LMBR1: variants seen among roughly 807,000 people sequenced by gnomAD.
LMBR1 encodes the protein limb region 1 protein homolog.
In LMBR1, 52 loss-of-function variants were observed where a neutral mutation model predicts 73.9. The observed-to-expected ratio is 0.70, with a 90% CI of 0.56 to 0.89. The LOEUF is 0.89. LMBR1 is among the 40% of genes least tolerant of loss of function. The probability of loss-of-function intolerance (pLI) is 0.00; values close to 1 mark genes in which losing one functional copy is unlikely to be tolerated. For missense variants in LMBR1, 539 were observed against 579.8 expected (o/e 0.93, Z 0.72); for synonymous variants, 215 against 209.4 (o/e 1.03, Z -0.23).
At chr7:156,877,572 G>A (rs1800367072) in intron 1 of LMBR1, among the ~76,000 whole-genome samples, 1 of 152,164 alleles carries the variant, frequency 6.6e-6, no homozygotes, top group African/African-American at 2.4e-5. Flanking sequence ...TCATACCACA[G>A]ATGCAGGGAT....
At chr7:156,790,128 TA>T (rs1196292095) in intron 5 of LMBR1, among the ~76,000 whole-genome samples, 10 of 152,100 alleles carry the variant, frequency 6.6e-5, no homozygotes, top group Non-Finnish European at 1.2e-4. Flanking sequence ...AAACAGATCC[TA>T]TTTCAAAAAA....
rs1801978865 is a variant in LMBR1 at position 156,669,472 on chromosome 7, C to T, written n.867-185G>A. 6.6e-6 allele frequency among the ~76,000 whole-genome samples: 1 copy of T among 152,160 alleles called. No homozygotes were observed. Among genetic ancestry groups the T allele is most frequent in the African/African-American group, 2.4e-5 (1 of 41,448 alleles). ...GAGGAACCGTGCCGTTCCCTGGAAC[C>T]TCTGTCCAGGCAGAGGGCAGCACGG... On this transcript the variant is annotated intron_variant and non_coding_transcript_variant, in intron 4 of 4. Coordinates refer to the LMBR1 transcript ENST00000430825. The surrounding 1 kb of genome is among the most constrained non-coding windows in gnomAD (Gnocchi z 4.2).
At chr7:156,799,738 G>A (rs1830623857) in intron 4 of LMBR1, among the ~76,000 whole-genome samples, 1 of 152,210 alleles carries the variant, frequency 6.6e-6, no homozygotes, top group Non-Finnish European at 1.5e-5. Context: ...AAATGAGATA[G>A]GCTGAAAGCT....
chr7:156,854,444 T>A (rs940831159), intron 1 of LMBR1, among the ~76,000 whole-genome samples: 1 of 152,028 alleles, frequency 6.6e-6, no homozygotes, highest in Non-Finnish European at 1.5e-5. Flanking sequence ...AATTAAAAAA[T>A]AATAATAAAA....
rs1802346383 is a variant in LMBR1, at chr7:156,670,932, C to CACT, written n.867-1646_867-1645insAGT. On this transcript the variant is annotated intron_variant and non_coding_transcript_variant, in intron 4 of 4. Transcript: ENST00000430825. This position sits in a 1 kb window ranked among gnomAD's most constrained non-coding sequence, Gnocchi z 4.3. ...TAAATCTAATAGACATTGATTCCAC[C>CACT]GAACAAGAAAACTCATGTCTCAGGT... 6.6e-6 allele frequency among the ~76,000 whole-genome samples: 1 copy of CACT among 151,814 alleles called. No individual in the cohort carries two copies. Among genetic ancestry groups the CACT allele is most frequent in the African/African-American group, 2.4e-5 (1 of 41,262 alleles).
At chr7:156,780,999 G>C (rs1827034436) in intron 5 of LMBR1, among the ~76,000 whole-genome samples, 17 of 152,214 alleles carry the variant, frequency 1.1e-4, no homozygotes. Context: ...TTAGTTTTCA[G>C]TTCCATAAAA....
At chr7:156,769,838 T>C (rs1243845936) in intron 5 of LMBR1, among the ~76,000 whole-genome samples, 1 of 152,206 alleles carries the variant, frequency 6.6e-6, no homozygotes, top group Non-Finnish European at 1.5e-5. Context: ...GGCTGCTCTG[T>C]GGCCCAGAGG....
At chr7:156,776,668 T>G (rs1826190389) in intron 5 of LMBR1, among the ~76,000 whole-genome samples, 1 of 152,170 alleles carries the variant, frequency 6.6e-6, no homozygotes, top group Admixed American at 6.6e-5. Flanking sequence ...TTCTCTTCCC[T>G]GGCCTCAACC....
At chr7:156,675,876 G>A, downstream of LMBR1, 1 of 1,608,700 alleles carries the variant, frequency 6.2e-7, no homozygotes. Context: ...AGGTTTGGCT[G>A]GCAGCCTGGC....
At chr7:156,762,840 AGTGTGAGT>A (rs1447249865) in intron 7 of LMBR1, among the ~76,000 whole-genome samples, 2 of 115,784 alleles carry the variant, frequency 1.7e-5, no homozygotes, top group African/African-American at 6.6e-5. Flanking sequence ...AAAGTGTGTG[AGTGTGAGT>A]GTGTGTGTGT....
At chr7:156,674,296 C>T (rs1437494620), downstream of LMBR1, among the ~76,000 whole-genome samples, 1 of 152,172 alleles carries the variant, frequency 6.6e-6, no homozygotes, top group Non-Finnish European at 1.5e-5. Context: ...AGACATGAGC[C>T]ACGTCCATCT....
intron 5 of LMBR1, 147 bp downstream of exon 5, chr7:156,796,241 GT>G (rs1830041425): frequency 1.7e-6 from 1 of 588,194 alleles, no homozygotes; most frequent in Non-Finnish European, 3.0e-6. Context: ...CAGAATTACT[GT>G]TATTGTTAAC....
chr7:156,818,429 C>G (rs535382539), intron 4 of LMBR1, among the ~76,000 whole-genome samples: 1 of 152,316 alleles, frequency 6.6e-6, no homozygotes, highest in Admixed American at 6.5e-5. Context: ...AGTGAGTGGA[C>G]AGCTTAGCCA....
At chr7:156,724,872 CTTA>C (rs1815385175) in intron 14 of LMBR1, among the ~76,000 whole-genome samples, 1 of 151,546 alleles carries the variant, frequency 6.6e-6, no homozygotes, top group Non-Finnish European at 1.5e-5. Flanking sequence ...GCTTTCAGCT[CTTA>C]TTAGTTATTC....
intron 5 of LMBR1, among the ~76,000 whole-genome samples, chr7:156,788,818 C>CA (rs1198095295): frequency 2.0e-5 from 3 of 152,144 alleles, no homozygotes; most frequent in Non-Finnish European, 4.4e-5. Context: ...GTGGCCAAGG[C>CA]AGGTGGATCA....
At position 156,683,952 on chromosome 7, in the gene LMBR1, G is replaced by A; in HGVS notation, c.*126C>T. 1 of 702,960 alleles carries A rather than the reference G, an allele frequency of 1.4e-6. No individual in the cohort carries two copies. Among genetic ancestry groups the A allele is most frequent in the African/African-American group, 1.8e-5 (1 of 56,020 alleles). 43.5% of individuals were successfully genotyped at this position (702,960 alleles called of 1,614,324 possible). On this transcript the variant is annotated 3_prime_UTR_variant, in exon 17 of 17. Transcript: ENST00000353442. ...TCTTCGTAGATTATGAAAAAAAAATGGCACTGATAGGTCTAGGTTCTGAAG... is the reference window on the plus strand; with the variant it reads ...TCTTCGTAGATTATGAAAAAAAAATAGCACTGATAGGTCTAGGTTCTGAAG...
At chr7:156,719,320 C>A (rs371223854) in intron 15 of LMBR1, among the ~76,000 whole-genome samples, 4 of 151,620 alleles carry the variant, frequency 2.6e-5, no homozygotes, top group Non-Finnish European at 4.4e-5. Context: ...CTCATCATTT[C>A]TTATGGCTGC....
intron 5 of LMBR1, among the ~76,000 whole-genome samples, chr7:156,788,250 C>T (rs1828513028): frequency 6.6e-6 from 1 of 152,092 alleles, no homozygotes; most frequent in African/African-American, 2.4e-5. Context: ...GCCTGAGCAA[C>T]ATAGCAAAAC....
chr7:156,796,069 T>A (rs1257865135), intron 5 of LMBR1, among the ~76,000 whole-genome samples: 1 of 152,126 alleles, frequency 6.6e-6, no homozygotes, highest in Non-Finnish European at 1.5e-5. Context: ...CCCATGGAAA[T>A]AACACTTTAC....
Sources: allele counts gnomAD v4.1 joint callset (sites outside exome capture counted in the v4.1 genomes callset), GRCh38; gene constraint gnomAD v4.1.1; non-coding constraint Gnocchi (gnomAD v3.1); transcripts MANE v1.5; gene names NCBI Gene and HGNC (gene_info 2026-07-23, HGNC 2026-07-21).